The following THAP8 variants were observed in gnomAD, a reference collection of about 807,000 sequenced individuals.
THAP8 encodes THAP domain-containing protein 8.
In THAP8, 24 loss-of-function variants were observed where a neutral mutation model predicts 25.0. The observed-to-expected ratio is 0.96, with a 90% CI of 0.69 to 1.35. The LOEUF is 1.35. THAP8 is among the 40% of genes most tolerant of loss of function. The pLI is 0.00. For missense variants in THAP8, 399 were observed against 368.8 expected (o/e 1.08, Z -0.67); for synonymous variants, 169 against 157.6 (o/e 1.07, Z -0.54).
upstream of THAP8, chr19:36,054,586 T>G: frequency 1.9e-6 from 1 of 538,826 alleles, no homozygotes; most frequent in Non-Finnish European, 3.3e-6. Flanking sequence ...TACGCCTACA[T>G]CCGGGCAACC....
Position 36,048,647 on chromosome 19 carries a change from G to C in THAP8, c.83+5488C>G, listed in dbSNP as rs142214199. On this transcript the variant is annotated intron_variant, in intron 1 of 3. Coordinates refer to ENST00000292894, the MANE Select transcript of THAP8 (RefSeq NM_152658.3). ...TCCAAAGTGCTGGGATTACAGGTGTGAGCCACCGCGCCCAGCCCAATGGGA... is the reference window on the plus strand; with the variant it reads ...TCCAAAGTGCTGGGATTACAGGTGTCAGCCACCGCGCCCAGCCCAATGGGA... Among the ~76,000 whole-genome samples, 1,097 of 151,848 alleles carry C rather than the reference G, an allele frequency of 7.2e-3. 18 individuals carry two copies. Among genetic ancestry groups the C allele is most frequent in the African/African-American group, 0.026 (1,065 of 41,434 alleles).
At chr19:36,046,676 C>T (rs1365348990) in intron 1 of THAP8, among the ~76,000 whole-genome samples, 1 of 152,208 alleles carries the variant, frequency 6.6e-6, no homozygotes, top group Non-Finnish European at 1.5e-5. Context: ...GACACAAACA[C>T]AAGATCTATT....
In THAP8 at chr19:36,054,176, CGCAGTGTTGGA is replaced by C; in HGVS notation, c.31_41del (p.Ser11GlyfsTer33). The C allele has an allele frequency of 6.2e-7, 1 of 1,613,832 alleles. No individual in the cohort carries two copies. The highest frequency in any genetic ancestry group is 8.5e-7 in the Non-Finnish European group (1 of 1,179,956). ...GGCGGTTGTCTGCACCCAGGCGGCC[CGCAGTGTTGGA>C]GCAGTTCGGCGCCCTGCAGTACTTG... On this transcript the variant is annotated frameshift_variant, in exon 1 of 4. Coordinates refer to ENST00000292894, the MANE Select transcript of THAP8 (RefSeq NM_152658.3). LOFTEE classifies it high-confidence loss of function.
chr19:36,039,407 C>T lies in THAP8; in HGVS notation c.588G>A (p.Ala196=), dbSNP rs772358058. The change falls in exon 3 of 4, where the codon GCG becomes GCA. Residue 196 remains alanine, a synonymous_variant. Coordinates refer to ENST00000292894, the MANE Select transcript of THAP8 (RefSeq NM_152658.3). The part of the protein sequence containing the change: ...RLQRCQERHQ[A]QLQALERLAQ... ...CCAGCCGTTCCAGGGCCTGCAGCTG[C>T]GCCTGGTGCCGCTCCTGGCACCGTT... 23 of 1,555,300 alleles carry T rather than the reference C, an allele frequency of 1.5e-5. No homozygotes were observed. Among genetic ancestry groups the T allele is most frequent in the Middle Eastern group, 1.7e-4 (1 of 6,000 alleles).
At chr19:36,042,975 A>T (rs1207888592) in intron 1 of THAP8, among the ~76,000 whole-genome samples, 1 of 151,704 alleles carries the variant, frequency 6.6e-6, no homozygotes, top group Non-Finnish European at 1.5e-5. Flanking sequence ...GTTGCCCAGG[A>T]TGGAATGCAG....
intron 1 of THAP8, among the ~76,000 whole-genome samples, chr19:36,050,817 T>A (rs537880275): frequency 6.6e-6 from 1 of 152,328 alleles, no homozygotes; most frequent in Admixed American, 6.5e-5. Flanking sequence ...CCTTTGGCCC[T>A]ACACCAGGGT....
intron 1 of THAP8, among the ~76,000 whole-genome samples, chr19:36,040,840 C>T (rs371597525): frequency 2.2e-4 from 34 of 152,058 alleles, no homozygotes; most frequent in African/African-American, 8.2e-4. Context: ...TGCAGCCAAG[C>T]GAAAACGTTT....
chr19:36,054,145 T>C lies in THAP8; in HGVS notation c.73A>G (p.Ser25Gly), dbSNP rs1441303002. The C allele has an allele frequency of 6.2e-7, 1 of 1,613,650 alleles. No homozygotes were observed. Among genetic ancestry groups the C allele is most frequent in the Non-Finnish European group, 8.5e-7 (1 of 1,179,864 alleles). The change falls in exon 1 of 4, where the codon AGC (serine) becomes GGC (glycine). Residue 25 changes from serine (S) to glycine (G), a missense_variant. Transcript: ENST00000292894. Reference sequence around the variant, plus strand: ...CCGCGCTGCGCTCACTTGTAGAAGCTCACAGGGCGGTTGTCTGCACCCAGG... The same window carrying C: ...CCGCGCTGCGCTCACTTGTAGAAGCCCACAGGGCGGTTGTCTGCACCCAGG... ...GRLGADNRPV[S>G]FYKFPLKDGP...
At chr19:36,042,330 G>A (rs939782586) in intron 1 of THAP8, among the ~76,000 whole-genome samples, 2 of 151,814 alleles carry the variant, frequency 1.3e-5, no homozygotes, top group Admixed American at 6.6e-5. Flanking sequence ...GCACACCTGC[G>A]TTCGTAGCAA....
upstream of THAP8, chr19:36,054,345 G>T: frequency 1.7e-6 from 2 of 1,150,436 alleles, no homozygotes; most frequent in Non-Finnish European, 2.5e-6. Context: ...GTCTCGTCAC[G>T]TACCGGGGAG....
intron 1 of THAP8, among the ~76,000 whole-genome samples, chr19:36,047,132 GC>G: frequency 6.6e-6 from 1 of 152,310 alleles, no homozygotes; most frequent in East Asian, 1.9e-4. Context: ...CTACCACTGA[GC>G]TATACCCCCA....
upstream of THAP8, chr19:36,054,470 G>T (rs1350732411): frequency 6.8e-6 from 4 of 587,602 alleles, no homozygotes; most frequent in Non-Finnish European, 1.2e-5. Context: ...CCGGCCCTTC[G>T]TCACCCCGAC....
intron 3 of THAP8, among the ~76,000 whole-genome samples, chr19:36,036,092 A>G (rs1324118777): frequency 6.6e-6 from 1 of 151,942 alleles, no homozygotes; most frequent in Admixed American, 6.6e-5. Context: ...CAGGCTCCAC[A>G]AAGAGCCCCA....
At chr19:36,048,702 G>A (rs965917480) in intron 1 of THAP8, among the ~76,000 whole-genome samples, 3 of 151,636 alleles carry the variant, frequency 2.0e-5, no homozygotes, top group African/African-American at 7.3e-5. Flanking sequence ...AGAAAAATTT[G>A]CCTGACAAGG....
At chr19:36,041,484 AG>A (rs780142138) in intron 1 of THAP8, among the ~76,000 whole-genome samples, 5 of 152,296 alleles carry the variant, frequency 3.3e-5, no homozygotes, top group Non-Finnish European at 7.4e-5. Context: ...TGGGCAGGGC[AG>A]GGAAGAAGAT....
At chr19:36,047,082 G>A (rs1969905012) in intron 1 of THAP8, among the ~76,000 whole-genome samples, 1 of 152,178 alleles carries the variant, frequency 6.6e-6, no homozygotes, top group South Asian at 2.1e-4. Context: ...ACTACCTTAA[G>A]CAGACAACAA....
Position 36,054,250 on chromosome 19 carries a change from C to G in THAP8, c.-33G>C, listed in dbSNP as rs377762990. ...CAGCCCCCGCTGAGTTTTGCCGGGT[C>G]AGCGGCTGCACTTTGGTTCTCGCGG... On this transcript the variant is annotated 5_prime_UTR_variant, in exon 1 of 4. Transcript: ENST00000292894. 1 of 1,604,656 alleles carries G rather than the reference C, an allele frequency of 6.2e-7. No individual in the cohort carries two copies. Among genetic ancestry groups the G allele is most frequent in the Non-Finnish European group, 8.5e-7 (1 of 1,175,660 alleles).
Position 36,039,423 on chromosome 19 carries a change from T to G in THAP8, c.572A>C (p.Gln191Pro). 6 of 1,575,446 alleles carry G rather than the reference T, an allele frequency of 3.8e-6. No individual in the cohort carries two copies. Among genetic ancestry groups the G allele is most frequent in the Non-Finnish European group, 4.3e-6 (5 of 1,161,380 alleles). ...CTGCAGCTGCGCCTGGTGCCGCTCCTGGCACCGTTGCAGCCTCCGCACCCG... is the reference window on the plus strand; with the variant it reads ...CTGCAGCTGCGCCTGGTGCCGCTCCGGGCACCGTTGCAGCCTCCGCACCCG... Reference protein sequence around the residue: ...QRRVRRLQRCQERHQAQLQAL... With the variant: ...QRRVRRLQRCPERHQAQLQAL... Residue 191 changes from glutamine to proline, a missense_variant, in exon 3 of 4, where the codon CAG (glutamine) becomes CCG (proline). Coordinates refer to ENST00000292894, the MANE Select transcript of THAP8 (RefSeq NM_152658.3).
chr19:36,045,400 G>A (rs1381784350), intron 1 of THAP8, among the ~76,000 whole-genome samples: 1 of 152,014 alleles, frequency 6.6e-6, no homozygotes, highest in African/African-American at 2.4e-5. Flanking sequence ...CTCCCAAGTA[G>A]CTGGGACTAC....
Sources: gnomAD v4.1 joint callset for allele counts (sites outside exome capture counted in the v4.1 genomes callset) on GRCh38, gnomAD v4.1.1 for gene constraint, MANE v1.5 for transcripts, NCBI Gene and HGNC (gene_info 2026-07-23, HGNC 2026-07-21) for gene names.